ZNF479: variants seen among roughly 807,000 people sequenced by gnomAD.
ZNF479 encodes zinc finger protein 479, also known as KRAB zinc finger protein KR19.
ZNF479 carries 15 observed loss-of-function variants against 14.7 expected under a neutral mutation model. The observed-to-expected ratio is 1.02, with a 90% CI of 0.68 to 1.57. The LOEUF (loss-of-function observed/expected upper bound fraction) is 1.57, where lower values mean the gene tolerates loss of function less well. Among genes scored for constraint, ZNF479 ranks in the 40% most tolerant of loss-of-function variants. The probability of loss-of-function intolerance (pLI) is 0.00; values close to 1 mark genes in which losing one functional copy is unlikely to be tolerated. For synonymous variants in ZNF479, 145 were observed against 211.5 expected (o/e 0.69, Z 2.73); for missense variants, 506 against 615.1 (o/e 0.82, Z 1.88).
At chr7:57,136,013 CTT>C (rs71053217), upstream of ZNF479, among the ~76,000 whole-genome samples, 13 of 144,202 alleles carry the variant, frequency 9.0e-5, 1 homozygote, top group South Asian at 1.1e-3. Flanking sequence ...CTCTCTCTCT[CTT>C]TCCTTTCCTA....
chr7:57,139,173 C>T (rs146120699), intron 1 of ZNF479, among the ~76,000 whole-genome samples: 29 of 152,310 alleles, frequency 1.9e-4, no homozygotes, highest in African/African-American at 7.0e-4. Flanking sequence ...ATATGCACAC[C>T]TGGCTAACAG....
At chr7:57,137,602 A>G (rs1786706324) in intron 1 of ZNF479, among the ~76,000 whole-genome samples, 1 of 152,258 alleles carries the variant, frequency 6.6e-6, no homozygotes, top group Non-Finnish European at 1.5e-5. Flanking sequence ...AAGCTGGGGC[A>G]TGTGAGAGAC....
intron 3 of ZNF479, among the ~76,000 whole-genome samples, chr7:57,125,765 C>A (rs544215438): frequency 6.6e-6 from 1 of 152,256 alleles, no homozygotes; most frequent in East Asian, 1.9e-4. Flanking sequence ...TCCCTGATAA[C>A]CTTTAAAGAA....
Position 57,121,115 on chromosome 7 carries a change from C to A in ZNF479, c.300G>T (p.Glu100Asp). The A allele has an allele frequency of 6.2e-7, 1 of 1,613,802 alleles. No homozygotes were observed. Among genetic ancestry groups the A allele is most frequent in the Non-Finnish European group, 8.5e-7 (1 of 1,179,928 alleles). ...TTTGGAGTGAATCTTTGATGCCCTG[C>A]TCTGGCTGAAGGTCTTGGGTGAAAT... Reference protein sequence around the residue: ...RSHFTQDLQPEQGIKDSLQKV... With the variant: ...RSHFTQDLQPDQGIKDSLQKV... The change falls in exon 4 of 4, where the codon GAG becomes GAT. Residue 100 changes from glutamate (E) to aspartate (D), a missense_variant. By Grantham distance (45) the Glu-to-Asp change is conservative. This residue lies in a region of ZNF479 where 420 missense variants were observed against 474.2 expected (regional missense o/e 0.89). Coordinates refer to ENST00000319636, the MANE Select transcript of ZNF479 (RefSeq NM_001370129.2).
At position 57,119,817 on chromosome 7, in the gene ZNF479, G is replaced by T. The variant is rs1217556504; in HGVS notation, c.*23C>A. 6.3e-7 allele frequency: 1 copy of T among 1,591,404 alleles called. No individual in the cohort carries two copies. The highest frequency in any genetic ancestry group is 8.6e-7 in the Non-Finnish European group (1 of 1,164,346). ...TGTAAATTATTTTATGTATTATAAGGCCTGAGGGTGGACTTTGCCATATTA... is the reference window on the plus strand; with the variant it reads ...TGTAAATTATTTTATGTATTATAAGTCCTGAGGGTGGACTTTGCCATATTA... On this transcript the variant is annotated 3_prime_UTR_variant, in exon 4 of 4. Coordinates refer to ENST00000319636, the MANE Select transcript of ZNF479 (RefSeq NM_001370129.2).
rs1554399832 is a variant in ZNF479 at position 57,120,023 on chromosome 7, G to A, written c.1392C>T (p.Pro464=). 5 of 1,613,532 alleles carry A rather than the reference G, an allele frequency of 3.1e-6. No homozygotes were observed. Among genetic ancestry groups the A allele is most frequent in the African/African-American group, 2.7e-5 (2 of 74,870 alleles). ...DHKRIHTGER[P]YTCEECGKAF... ...CTTTGCCACATTCTTCACATGTGTA[G>A]GGTCTCTCTCCAGTATGAATTCTCT... The change falls in exon 4 of 4, where the codon CCC becomes CCT. Residue 464 remains proline, a synonymous_variant. Transcript: ENST00000319636.
chr7:57,132,419 A>C lies in ZNF479; in HGVS notation c.-95T>G. The C allele has an allele frequency of 6.3e-7, 1 of 1,594,606 alleles. No individual in the cohort carries two copies. On this transcript the variant is annotated 5_prime_UTR_variant, in exon 1 of 4. Transcript: ENST00000319636. The stretch of plus-strand genomic sequence containing the variant: ...GTGAAGAGGAGAACTGCAGCTCTGG[A>C]CGCAGAGAAACACAAAGGACCCGCA...
At chr7:57,138,616 T>C (rs1786750224) in intron 1 of ZNF479, among the ~76,000 whole-genome samples, 2 of 152,216 alleles carry the variant, frequency 1.3e-5, no homozygotes, top group African/African-American at 2.4e-5. Context: ...TTGACTTTCA[T>C]AGCTGGGCTT....
intron 3 of ZNF479, among the ~76,000 whole-genome samples, chr7:57,125,464 C>T (rs1786117845): frequency 6.6e-6 from 1 of 151,042 alleles, no homozygotes; most frequent in Middle Eastern, 3.4e-3. Flanking sequence ...CTTGCATATC[C>T]CCCCACAGCA....
chr7:57,131,597 A>ATG (rs71527705), intron 1 of ZNF479, among the ~76,000 whole-genome samples: 1 of 118,126 alleles, frequency 8.5e-6, no homozygotes, highest in Non-Finnish European at 1.9e-5. Context: ...CAAAAAAAAA[A>ATG]CATTTCTTGT....
chr7:57,119,269 A>T lies in ZNF479; in HGVS notation c.*571T>A, dbSNP rs1554399558. On this transcript the variant is annotated 3_prime_UTR_variant, in exon 4 of 4. Transcript: ENST00000319636. ...TTTGTAGAGTTTCTCTCTAGAATGA[A>T]TGATCAGATAATATGTAAGGCCTGA... Among the ~76,000 whole-genome samples, 1 of 152,178 alleles carries T rather than the reference A, an allele frequency of 6.6e-6. No homozygotes were observed. The highest frequency in any genetic ancestry group is 1.5e-5 in the Non-Finnish European group (1 of 68,032).
chr7:57,124,347 T>A (rs1452285295), intron 3 of ZNF479, among the ~76,000 whole-genome samples: 1 of 152,220 alleles, frequency 6.6e-6, no homozygotes, highest in Non-Finnish European at 1.5e-5. Context: ...GCCTCAAGTT[T>A]GCCATGAGCA....
At chr7:57,123,174 A>T (rs893941898) in intron 3 of ZNF479, among the ~76,000 whole-genome samples, 18 of 152,188 alleles carry the variant, frequency 1.2e-4, no homozygotes, top group Non-Finnish European at 2.4e-4. Context: ...AGAAGCTTAC[A>T]ATTATAGTGG....
chr7:57,128,869 G>T (rs995623218), intron 1 of ZNF479, among the ~76,000 whole-genome samples: 1 of 152,150 alleles, frequency 6.6e-6, no homozygotes, highest in African/African-American at 2.4e-5. Context: ...AAAGTGATTT[G>T]TTTCTTTTCC....
Position 57,120,834 on chromosome 7 carries a change from A to C in ZNF479, c.581T>G (p.Phe194Cys), listed in dbSNP as rs1450005751. The C allele has an allele frequency of 2.5e-6, 4 of 1,613,666 alleles. No individual in the cohort carries two copies. In the East Asian group the frequency reaches 8.9e-5, roughly 36 times the overall value. ...TTGATTTAGGTGTGAAAGCATGCAA[A>C]ATGATTTGCCATATTTGTTACATTT... ...HFKCNKYGKS[F>C]CMLSHLNQHQ... The change falls in exon 4 of 4, where the codon TTT becomes TGT. Residue 194 changes from phenylalanine to cysteine, a missense_variant. Transcript: ENST00000319636.
intron 1 of ZNF479, among the ~76,000 whole-genome samples, chr7:57,131,099 G>T (rs1370540697): frequency 6.6e-6 from 1 of 152,064 alleles, no homozygotes; most frequent in Admixed American, 6.5e-5. Flanking sequence ...TGAGGGTAGA[G>T]GTCTGTTCAG....
At chr7:57,130,246 G>A (rs558036538) in intron 1 of ZNF479, among the ~76,000 whole-genome samples, 12 of 152,272 alleles carry the variant, frequency 7.9e-5, no homozygotes, top group South Asian at 4.1e-4. Flanking sequence ...AGGCCAGGGC[G>A]GGAAGATCAC....
intron 1 of ZNF479, among the ~76,000 whole-genome samples, chr7:57,137,575 T>C (rs1251464720): frequency 6.6e-6 from 1 of 152,200 alleles, no homozygotes; most frequent in African/African-American, 2.4e-5. Flanking sequence ...TCAAAGGAAG[T>C]ATTGACTCTG....
rs532986589 is a variant in ZNF479 at position 57,118,314 on chromosome 7, T to C, written c.*1526A>G. Among the ~76,000 whole-genome samples, 1,643 of 152,360 alleles carry C rather than the reference T, an allele frequency of 0.011. 11 individuals carry two copies. The highest frequency in any genetic ancestry group is 0.038 in the African/African-American group (1,588 of 41,576). On this transcript the variant is annotated 3_prime_UTR_variant, in exon 4 of 4. Coordinates refer to ENST00000319636, the MANE Select transcript of ZNF479 (RefSeq NM_001370129.2). ...TAAGTTTGTATGTTTGTCTTCAGAA[T>C]AACTGGTCTTTACTTTAAAGGCCTA...
Sources: allele counts gnomAD v4.1 joint callset (sites outside exome capture counted in the v4.1 genomes callset), GRCh38; gene constraint gnomAD v4.1.1; regional missense constraint gnomAD v4.1.1; transcripts MANE v1.5; gene names NCBI Gene and HGNC (gene_info 2026-07-23, HGNC 2026-07-21).